The following CYBC1 variants were observed in gnomAD, a reference collection of about 807,000 sequenced individuals.
CYBC1 encodes cytochrome b-245 chaperone 1, also known as essential for reactive oxygen species protein.
In CYBC1, 22 loss-of-function variants were observed where a neutral mutation model predicts 21.7. That is an observed-to-expected ratio of 1.02 (90% CI 0.73 to 1.45). The LOEUF (loss-of-function observed/expected upper bound fraction) is 1.45, where lower values mean the gene tolerates loss of function less well. CYBC1 is among the 40% of genes most tolerant of loss of function. CYBC1 has a pLI of 0.00. For synonymous variants in CYBC1, 112 were observed against 98.7 expected, an observed-to-expected ratio of 1.13 and a Z score of -0.80; for missense variants, 237 against 242.1, an observed-to-expected ratio of 0.98 and a Z score of 0.14.
At position 82,445,891 on chromosome 17, in the gene CYBC1, T is replaced by G; in HGVS notation, c.271A>C (p.Thr91Pro). 1 of 1,612,206 alleles carries G rather than the reference T, an allele frequency of 6.2e-7. No homozygotes were observed. Among genetic ancestry groups the G allele is most frequent in the Non-Finnish European group, 8.5e-7 (1 of 1,179,276 alleles). ...TGGTCGTGGCCAGCTCTGAAAAGAG[T>G]CAGCAGCTTCTTGTAGAGGCTGAAC... ...KTFSLYKKLL[T>P]LFRAGHDQVV... The change falls in exon 5 of 7, where the codon ACT (threonine) becomes CCT (proline). Residue 91 changes from threonine to proline, a missense_variant. Physicochemically the swap from Thr to Pro is conservative, Grantham distance 38 (BLOSUM62 -1). Transcript: ENST00000306645.
rs1172854856 is a variant in CYBC1, at chr17:82,444,487, A to G, written c.403T>C (p.Ser135Pro). 1 of 1,613,672 alleles carries G rather than the reference A, an allele frequency of 6.2e-7. No individual in the cohort carries two copies. Among genetic ancestry groups the G allele is most frequent in the African/African-American group, 1.3e-5 (1 of 74,938 alleles). Residue 135 changes from serine (S) to proline (P), a missense_variant, in exon 6 of 7, where the codon TCC (serine) becomes CCC (proline). Physicochemically the swap from Ser to Pro is moderately conservative, Grantham distance 74. Coordinates refer to ENST00000306645, the MANE Select transcript of CYBC1 (RefSeq NM_001033046.4). ...ACTGCACTCTGCGTGAGGGGGTGGG[A>G]GAAGCCCGTCGCAAGCCGGAGCACC... is the stretch of plus-strand genomic sequence containing the variant. ...MVVLRLATGFSHPLTQSAVMG... is the reference protein window; with the variant it reads ...MVVLRLATGFPHPLTQSAVMG...
chr17:82,445,479 G>C, intron 5 of CYBC1: 6 of 172,098 alleles, frequency 3.5e-5, no homozygotes, highest in Admixed American at 1.2e-4. Context: ...GGGCCAGACT[G>C]CACCTGCGGA....
At position 82,449,184 on chromosome 17, in the gene CYBC1, C is replaced by T; in HGVS notation, c.71G>A (p.Trp24Ter). ...GAGAGCCTTACCAACCAGCAGGGAC[C>T]AGGACCGGATGCCTGGAGCCCTCTT... is the stretch of plus-strand genomic sequence containing the variant. ...HLKRAPGIRSWSLLVGILSIG... is the reference protein window; with the variant it reads ...HLKRAPGIRS Residue 24 changes from tryptophan (W) to a stop codon, truncating the protein, a stop_gained, in exon 2 of 7, where the codon TGG becomes TAG. Transcript: ENST00000306645. LOFTEE classifies it high-confidence loss of function. The T allele has an allele frequency of 6.3e-7, 1 of 1,579,124 alleles. No individual in the cohort carries two copies.
intron 6 of CYBC1, 104 bp from the exon 7 acceptor site, chr17:82,444,228 T>C: frequency 1.3e-6 from 2 of 1,509,500 alleles, no homozygotes; most frequent in East Asian, 2.3e-5. Flanking sequence ...CCGCAGACCC[T>C]GGAGCTCCCA....
intron 1 of CYBC1, 101 bp downstream of exon 1, chr17:82,450,599 G>C: frequency 6.6e-6 from 1 of 152,086 alleles, no homozygotes; most frequent in Non-Finnish European, 1.5e-5. Flanking sequence ...CCGGCAGGCG[G>C]GCCCAGGACG....
rs2054099277 is a variant in CYBC1 at position 82,443,701 on chromosome 17, T to TG, written c.*302dup. 1.3e-6 allele frequency: 1 copy of TG among 772,928 alleles called. No homozygotes were observed. The highest frequency in any genetic ancestry group is 1.7e-5 in the African/African-American group (1 of 59,326). 47.9% of individuals were successfully genotyped at this position (772,928 alleles called of 1,614,324 possible). On this transcript the variant is annotated 3_prime_UTR_variant, in exon 7 of 7. Coordinates refer to ENST00000306645, the MANE Select transcript of CYBC1 (RefSeq NM_001033046.4). The surrounding 1 kb of genome is among the most constrained non-coding windows in gnomAD (Gnocchi z 6.7). ...TGGTCTGGCCTGCTGTTTCATGCAG[T>TG]GTGCAAGCAGCAGCATGAGCAGGCA...
At chr17:82,448,902 A>G in intron 2 of CYBC1, 1 of 466,404 alleles carries the variant, frequency 2.1e-6, no homozygotes. Flanking sequence ...GTTCAAAACA[A>G]GTACAAAGGA....
Position 82,443,085 on chromosome 17 carries a change from T to C in CYBC1, c.*919A>G. ...CTCCCAGTTTTTCCTGTTTGGTTAG[T>C]TTTTTTACAAAGACAGGATCTTGCT... On this transcript the variant is annotated 3_prime_UTR_variant, in exon 7 of 7. Transcript: ENST00000306645. This position sits in a 1 kb window ranked among gnomAD's most constrained non-coding sequence, Gnocchi z 6.7. 5.5e-6 allele frequency: 1 copy of C among 180,956 alleles called. No homozygotes were observed. The highest frequency in any genetic ancestry group is 1.1e-4 in the South Asian group (1 of 9,002). 11.2% of individuals were successfully genotyped at this position (180,956 alleles called of 1,614,324 possible).
intron 1 of CYBC1, chr17:82,449,989 T>C (rs528021901): frequency 6.6e-6 from 1 of 152,204 alleles, no homozygotes; most frequent in South Asian, 2.1e-4. Flanking sequence ...TGACATTAAG[T>C]AGGGGGTTCA....
At chr17:82,446,847 C>G in intron 3 of CYBC1, 151 bp from the exon 4 acceptor site, 1 of 701,704 alleles carries the variant, frequency 1.4e-6, no homozygotes, top group South Asian at 1.7e-5. Flanking sequence ...CTGCCCTGGC[C>G]ACTCAGGACC....
At chr17:82,444,403 GCTAC>G (rs1362665028) in intron 6 of CYBC1, 40 bp downstream of exon 6, 1 of 1,568,590 alleles carries the variant, frequency 6.4e-7, no homozygotes, top group Non-Finnish European at 8.7e-7. Flanking sequence ...GGAGTGACCT[GCTAC>G]GGCTGCAGCT....
intron 4 of CYBC1, among the ~76,000 whole-genome samples, chr17:82,446,386 T>G (rs1215847711): frequency 6.6e-6 from 1 of 152,190 alleles, no homozygotes. Flanking sequence ...TTGGTGAAGA[T>G]AGTCATGGAG....
chr17:82,446,825 G>A lies in CYBC1; in HGVS notation c.128-129C>T. 3 of 896,008 alleles carry A rather than the reference G, an allele frequency of 3.3e-6. 1 individual carries two copies. The highest frequency in any genetic ancestry group is 5.2e-6 in the Non-Finnish European group (3 of 573,216). The allele number at this position is 896,008 out of a possible 1,614,324, so 55.5% of individuals were successfully genotyped here. A position where few individuals can be genotyped will look rare whatever the true frequency, so the allele number is the denominator to read the frequency against. On this transcript the variant is annotated intron_variant, in intron 3 of 6. Coordinates refer to ENST00000306645, the MANE Select transcript of CYBC1 (RefSeq NM_001033046.4). ...GCAAGGACCCCCTGGGCAGCTTCCT[G>A]TGCTGCTGACCCTGCCCTGGCCACT... is the stretch of plus-strand genomic sequence containing the variant.
At chr17:82,447,006 C>T in intron 3 of CYBC1, 1 of 469,284 alleles carries the variant, frequency 2.1e-6, no homozygotes, top group East Asian at 3.9e-5. Context: ...ATCTTAGATC[C>T]TCAAGAGCAT....
chr17:82,447,792 G>C, intron 2 of CYBC1, 171 bp from the exon 3 acceptor site: 1 of 675,324 alleles, frequency 1.5e-6, no homozygotes, highest in Non-Finnish European at 2.6e-6. Flanking sequence ...CAGCCAGGAA[G>C]CTGGTTCAAT....
In CYBC1 at chr17:82,444,383, G is replaced by A. The variant is rs1297571201; in HGVS notation, c.443+64C>T. ...CCCAGCTGCCCCATAGCTCTGGGCAGTCAGGAACGGGAGTGACCTGCTACG... is the reference window on the plus strand; with the variant it reads ...CCCAGCTGCCCCATAGCTCTGGGCAATCAGGAACGGGAGTGACCTGCTACG... On this transcript the variant is annotated intron_variant, in intron 6 of 6. Transcript: ENST00000306645. 9.0e-6 allele frequency: 14 copies of A among 1,553,628 alleles called. No homozygotes were observed. In the East Asian group the frequency reaches 2.9e-4, roughly 33 times the overall value.
intron 6 of CYBC1, 31 bp from the exon 7 acceptor site, chr17:82,444,155 A>G (rs745667535): frequency 6.2e-7 from 1 of 1,600,910 alleles, no homozygotes; most frequent in Non-Finnish European, 8.5e-7. Flanking sequence ...GAGGAAGGTC[A>G]GGTCACCTCG....
chr17:82,445,913 G>A lies in CYBC1; in HGVS notation c.249C>T (p.Phe83=). The A allele has an allele frequency of 6.2e-7, 1 of 1,613,786 alleles. No individual in the cohort carries two copies. Among genetic ancestry groups the A allele is most frequent in the Non-Finnish European group, 8.5e-7 (1 of 1,179,872 alleles). Residue 83 remains phenylalanine (F), a synonymous_variant, in exon 5 of 7, where the codon TTC becomes TTT. Transcript: ENST00000306645. ...KSTGKVVLKT[F]SLYKKLLTLF... ...GAGTCAGCAGCTTCTTGTAGAGGCT[G>A]AACGTCTTCAAAACAACCTTCCCTG... is the stretch of plus-strand genomic sequence containing the variant.
At chr17:82,447,778 G>T in intron 2 of CYBC1, 157 bp from the exon 3 acceptor site, 1 of 693,692 alleles carries the variant, frequency 1.4e-6, no homozygotes, top group Non-Finnish European at 2.6e-6. Context: ...CAGAGTAGGG[G>T]AAACAGCCAG....
Sources: gnomAD v4.1 joint callset for allele counts (sites outside exome capture counted in the v4.1 genomes callset) on GRCh38, gnomAD v4.1.1 for gene constraint, Gnocchi (gnomAD v3.1) non-coding constraint, MANE v1.5 for transcripts, NCBI Gene and HGNC (gene_info 2026-07-23, HGNC 2026-07-21) for gene names.